The following BAHD1 variants were observed in gnomAD, a reference collection of about 807,000 sequenced individuals.
BAHD1 encodes bromo adjacent homology domain containing 1.
Under a neutral mutation model 63.1 loss-of-function variants are expected in BAHD1, and 20 were observed. That is an observed-to-expected ratio of 0.32 (90% CI 0.22 to 0.46). BAHD1 has a LOEUF of 0.46. BAHD1 is among the 20% of genes least tolerant of loss of function. The probability of loss-of-function intolerance (pLI) is 1.00; values close to 1 mark genes in which losing one functional copy is unlikely to be tolerated. For missense variants in BAHD1, 939 were observed against 1,071.8 expected (o/e 0.88, Z 1.73); for synonymous variants, 408 against 426.8 (o/e 0.96, Z 0.54).
intron 1 of BAHD1, among the ~76,000 whole-genome samples, chr15:40,445,991 G>A (rs1893530548): frequency 6.6e-6 from 1 of 152,180 alleles, no homozygotes; most frequent in South Asian, 2.1e-4. Context: ...ACCATGCGCA[G>A]TCAAGAGCTC....
At chr15:40,443,631 T>C (rs1393691709) in intron 1 of BAHD1, among the ~76,000 whole-genome samples, 1 of 152,182 alleles carries the variant, frequency 6.6e-6, no homozygotes, top group Non-Finnish European at 1.5e-5. Flanking sequence ...TTAGGTTCTT[T>C]TTGATATCTC....
rs545696404 is a variant in BAHD1, at chr15:40,450,438, A to G, written c.-14-8013A>G. Among the ~76,000 whole-genome samples, 38 of 152,240 alleles carry G rather than the reference A, an allele frequency of 2.5e-4. 2 individuals are homozygous for G. The East Asian group carries it at 7.1e-3, about 29-fold the overall frequency. ...TTTTAGAAATCTAAGTTGTTGGTCC[A>G]TGTAATGTCCTGGTGGTTGAACCAA... is the stretch of plus-strand genomic sequence containing the variant. On this transcript the variant is annotated intron_variant, in intron 1 of 6. Coordinates refer to ENST00000416165, the MANE Select transcript of BAHD1 (RefSeq NM_014952.5).
At position 40,445,268 on chromosome 15, in the gene BAHD1, AAAAAAAAAC is replaced by A. The variant is rs1446283621; in HGVS notation, c.-15+4003_-15+4011del. Among the ~76,000 whole-genome samples the A allele has an allele frequency of 9.1e-4, 138 of 151,562 alleles. 1 individual carries two copies. Among genetic ancestry groups the A allele is most frequent in the Admixed American group, 6.5e-3 (99 of 15,240 alleles). ...AGCTCCTTTTGGGTAAAAAAAAAAAAAAAAAAAACAACCCTTTCACACCTTCTCTGGTTA... is the reference window on the plus strand; with the variant it reads ...AGCTCCTTTTGGGTAAAAAAAAAAAAAACCCTTTCACACCTTCTCTGGTTA... On this transcript the variant is annotated intron_variant, in intron 1 of 6. Transcript: ENST00000416165.
chr15:40,444,953 C>T (rs1893495057), intron 1 of BAHD1, among the ~76,000 whole-genome samples: 1 of 151,956 alleles, frequency 6.6e-6, no homozygotes, highest in African/African-American at 2.4e-5. Flanking sequence ...AGACCGCTCC[C>T]CCGTCAATTA....
At chr15:40,451,844 C>G (rs937333807) in intron 1 of BAHD1, among the ~76,000 whole-genome samples, 1 of 152,246 alleles carries the variant, frequency 6.6e-6, no homozygotes, top group Non-Finnish European at 1.5e-5. Flanking sequence ...TGGGAAGAAG[C>G]TGGGGGAAGG....
intron 1 of BAHD1, among the ~76,000 whole-genome samples, chr15:40,455,907 T>G (rs1893836093): frequency 6.6e-6 from 1 of 152,212 alleles, no homozygotes. Context: ...CTCCTCCACC[T>G]CCAGCACAGG....
rs1894053822 is a variant in BAHD1 at position 40,461,897 on chromosome 15, C to G, written c.1433-15C>G. 1.3e-6 allele frequency: 2 copies of G among 1,576,670 alleles called. No individual in the cohort carries two copies. The highest frequency in any genetic ancestry group is 1.3e-5 in the African/African-American group (1 of 74,428). On this transcript the variant is annotated splice_polypyrimidine_tract_variant and intron_variant, in intron 2 of 6. Coordinates refer to ENST00000416165, the MANE Select transcript of BAHD1 (RefSeq NM_014952.5). ...CACTGCTTGTCCTGTCCTGACCACT[C>G]TCTCCCTTTCCTAGAAGGCTGCAGA...
At chr15:40,444,993 C>T (rs892002456) in intron 1 of BAHD1, among the ~76,000 whole-genome samples, 2 of 152,050 alleles carry the variant, frequency 1.3e-5, no homozygotes, top group Non-Finnish European at 2.9e-5. Context: ...TTCTCTCCTC[C>T]TTCTACTGTA....
intron 1 of BAHD1, among the ~76,000 whole-genome samples, chr15:40,451,438 T>G (rs907265813): frequency 1.3e-5 from 2 of 152,244 alleles, no homozygotes; most frequent in African/African-American, 4.8e-5. Flanking sequence ...CTCCAACTCT[T>G]AGTCTTTTGC....
Position 40,466,532 on chromosome 15 carries a change from G to A in BAHD1, c.*402G>A. On this transcript the variant is annotated 3_prime_UTR_variant, in exon 7 of 7. Coordinates refer to ENST00000416165, the MANE Select transcript of BAHD1 (RefSeq NM_014952.5). ...AGCCTCCCCCTTGCCCTCAAAGGGG[G>A]AGTGGGGGCCAGCTTTACCTCACCC... is the stretch of plus-strand genomic sequence containing the variant. The A allele has an allele frequency of 5.9e-6, 1 of 168,102 alleles. No individual in the cohort carries two copies. Among genetic ancestry groups the A allele is most frequent in the Non-Finnish European group, 1.3e-5 (1 of 78,068 alleles). The allele number at this position is 168,102 out of a possible 1,614,324, so 10.4% of individuals were successfully genotyped here.
At chr15:40,452,746 G>C (rs966877763) in intron 1 of BAHD1, among the ~76,000 whole-genome samples, 38 of 151,982 alleles carry the variant, frequency 2.5e-4, no homozygotes, top group Non-Finnish European at 1.0e-4. Flanking sequence ...TGCTCGTGCT[G>C]GTGGGGTTGC....
chr15:40,442,965 C>A (rs749125230), intron 1 of BAHD1, among the ~76,000 whole-genome samples: 5 of 152,182 alleles, frequency 3.3e-5, no homozygotes, highest in Non-Finnish European at 7.3e-5. Context: ...GCCTCCATCT[C>A]CCCCGGTGAC....
In BAHD1 at chr15:40,457,669, G is replaced by A. The variant is rs192273605; in HGVS notation, c.-14-782G>A. On this transcript the variant is annotated intron_variant, in intron 1 of 6. Transcript: ENST00000416165. ...CTGTGGCCAACCTCAGAAGCCCTGC[G>A]TTTGGGGAGGGGATTGTTAATGCCT... is the stretch of plus-strand genomic sequence containing the variant. 2.6e-3 allele frequency among the ~76,000 whole-genome samples: 400 copies of A among 152,324 alleles called. 1 individual carries two copies. Among genetic ancestry groups the A allele is most frequent in the Non-Finnish European group, 4.5e-3 (304 of 68,034 alleles).
Position 40,458,519 on chromosome 15 carries a change from C to T in BAHD1, c.55C>T (p.Arg19Cys), listed in dbSNP as rs374059923. 5.0e-5 allele frequency: 80 copies of T among 1,611,820 alleles called. 1 individual carries two copies. In the South Asian group the frequency reaches 6.5e-4, roughly 13 times the overall value. Residue 19 changes from arginine to cysteine, a missense_variant, in exon 2 of 7, where the codon CGC becomes TGC. Around this residue, in one of 5 missense-constraint regions of BAHD1, gnomAD observed 797 missense variants for 813.3 expected, o/e 0.98. Transcript: ENST00000416165. This position sits in a 1 kb window ranked among gnomAD's most constrained non-coding sequence, Gnocchi z 4.7. ...CATGCTGAGTTCGGGCCTCACTGGC[C>T]GCCGAGAGCCCCTGCAGATGGAAGA... ...LPMLSSGLTG[R>C]REPLQMEDSN...
chr15:40,457,225 A>G (rs1315684784), intron 1 of BAHD1, among the ~76,000 whole-genome samples: 3 of 152,038 alleles, frequency 2.0e-5, no homozygotes, highest in Non-Finnish European at 2.9e-5. Context: ...TCTTTTCCCA[A>G]CTGTTTGTGG....
rs138831572 is a variant in BAHD1 at position 40,463,564 on chromosome 15, G to A, written c.1816-297G>A. ...AGACCGAGACTTGTTCCATTAGGAA[G>A]CATGAGCACTTACCCAGCACTGGGG... On this transcript the variant is annotated intron_variant, in intron 3 of 6. Transcript: ENST00000416165. 2.3e-3 allele frequency among the ~76,000 whole-genome samples: 343 copies of A among 152,288 alleles called. 2 individuals carry two copies. In the East Asian group the frequency reaches 0.023, roughly 10 times the overall value.
At chr15:40,451,350 G>A (rs940981541) in intron 1 of BAHD1, among the ~76,000 whole-genome samples, 1 of 152,136 alleles carries the variant, frequency 6.6e-6, no homozygotes, top group Non-Finnish European at 1.5e-5. Context: ...TGCCTTGGGG[G>A]GACCCCTCAG....
chr15:40,450,857 G>A (rs750862576), intron 1 of BAHD1, among the ~76,000 whole-genome samples: 1 of 152,092 alleles, frequency 6.6e-6, no homozygotes, highest in Non-Finnish European at 1.5e-5. Context: ...TAGCTTTTGG[G>A]CCGGGCTCAG....
Position 40,464,544 on chromosome 15 carries a change from C to A in BAHD1, c.2049C>A (p.His683Gln), listed in dbSNP as rs749985434. The change falls in exon 5 of 7, where the codon CAC becomes CAA. Residue 683 changes from histidine (H) to glutamine (Q), a missense_variant. By Grantham distance (24) the His-to-Gln change is conservative. This residue lies in a region of BAHD1 where 31 missense variants were observed against 68.1 expected (regional missense o/e 0.46). Transcript: ENST00000416165. ...HLQGGRSPSM[H>Q]EPLQNEVFAS... The stretch of plus-strand genomic sequence containing the variant: ...AGGGAGGCCGCAGTCCCAGCATGCA[C>A]GAGGTGAGCTGCCTGGCAGATGGGT... 1 of 1,612,696 alleles carries A rather than the reference C, an allele frequency of 6.2e-7. No individual in the cohort carries two copies. The highest frequency in any genetic ancestry group is 8.5e-7 in the Non-Finnish European group (1 of 1,179,404).
Sources: allele counts gnomAD v4.1 joint callset (sites outside exome capture counted in the v4.1 genomes callset), GRCh38; gene constraint gnomAD v4.1.1; regional missense constraint gnomAD v4.1.1; non-coding constraint Gnocchi (gnomAD v3.1); transcripts MANE v1.5; gene names NCBI Gene and HGNC (gene_info 2026-07-23, HGNC 2026-07-21).